The following HDAC11 variants were observed in gnomAD, a reference collection of about 807,000 sequenced individuals.
HDAC11 encodes the protein histone deacetylase 11.
Under a neutral mutation model 41.1 loss-of-function variants are expected in HDAC11, and 23 were observed. That is an observed-to-expected ratio of 0.56 (90% confidence interval 0.40 to 0.79). The LOEUF (loss-of-function observed/expected upper bound fraction) is 0.79, where lower values mean the gene tolerates loss of function less well. HDAC11 is among the 30% of genes least tolerant of loss of function. The probability of loss-of-function intolerance (pLI) is 0.00; values close to 1 mark genes in which losing one functional copy is unlikely to be tolerated. For missense variants in HDAC11, 402 were observed against 477.3 expected, an observed-to-expected ratio of 0.84 and a Z score of 1.47; for synonymous variants, 187 against 186.6, an observed-to-expected ratio of 1.00 and a Z score of -0.02.
chr3:13,498,989 G>A (rs1702233368), intron 5 of HDAC11, among the ~76,000 whole-genome samples: 1 of 151,748 alleles, frequency 6.6e-6, no homozygotes, highest in African/African-American at 2.4e-5. Flanking sequence ...GGTTGGGTGG[G>A]CACATCCTGG....
Position 13,504,251 on chromosome 3 carries a change from G to T in HDAC11, c.807G>T (p.Gly269=), listed in dbSNP as rs1260194580. ...ACATCCTCGAGGGGGACCGCCTTGG[G>T]GGGCTGTCCATCAGCCCAGCGGTAC... is the stretch of plus-strand genomic sequence containing the variant. ...GTDILEGDRL[G]GLSISPAGIV... is the part of the protein sequence containing the mutation. The change falls in exon 9 of 10, where the codon GGG becomes GGT. Residue 269 remains glycine, a synonymous_variant. Coordinates refer to ENST00000295757, the MANE Select transcript of HDAC11 (RefSeq NM_024827.4). 2 of 1,613,464 alleles carry T rather than the reference G, an allele frequency of 1.2e-6. No homozygotes were observed. Among genetic ancestry groups the T allele is most frequent in the Admixed American group, 1.7e-5 (1 of 60,026 alleles).
intron 3 of HDAC11, among the ~76,000 whole-genome samples, chr3:13,487,459 A>C (rs1248225919): frequency 1.3e-5 from 2 of 152,124 alleles, no homozygotes; most frequent in African/African-American, 4.8e-5. Flanking sequence ...CAGGGCACTG[A>C]AGGAGAAGCA....
chr3:13,501,972 C>G (rs780037835), intron 7 of HDAC11, 39 bp downstream of exon 7: 3 of 1,561,466 alleles, frequency 1.9e-6, no homozygotes, highest in East Asian at 4.5e-5. Flanking sequence ...AGGGGACCTG[C>G]CACCCCCAGT....
rs1559382436 is a variant in HDAC11 at position 13,504,147 on chromosome 3, C to T, written c.703C>T (p.Leu235=). 27 of 1,614,096 alleles carry T rather than the reference C, an allele frequency of 1.7e-5. No homozygotes were observed. The highest frequency in any genetic ancestry group is 2.2e-5 in the Non-Finnish European group (26 of 1,180,038). Residue 235 remains leucine, a synonymous_variant, in exon 9 of 10, where the codon CTG becomes TTG. Transcript: ENST00000295757. ...GTGGGGCACAGAGGATGATGAGTAC[C>T]TGGATAAGGTGGAGAGGAACATCAA... The part of the protein sequence containing the change: ...LEWGTEDDEY[L]DKVERNIKKS...
rs952005749 is a variant in HDAC11 at position 13,502,741 on chromosome 3, T to G, written c.553-143T>G. The G allele has an allele frequency of 1.4e-5, 9 of 638,596 alleles. No individual in the cohort carries two copies. Among genetic ancestry groups the G allele is most frequent in the African/African-American group, 7.3e-5 (4 of 54,776 alleles). 39.6% of individuals were successfully genotyped at this position (638,596 alleles called of 1,614,324 possible). ...AAGGTTGAATCCCAGCTCTGCCCCTTAACAGTCATGAGACCTGCTGCCCCC... is the reference window on the plus strand; with the variant it reads ...AAGGTTGAATCCCAGCTCTGCCCCTGAACAGTCATGAGACCTGCTGCCCCC... On this transcript the variant is annotated intron_variant, in intron 7 of 9. Transcript: ENST00000295757. The surrounding 1 kb of genome is among the most constrained non-coding windows in gnomAD (Gnocchi z 4.1).
intron 3 of HDAC11, among the ~76,000 whole-genome samples, chr3:13,485,974 G>A (rs896083301): frequency 5.7e-5 from 8 of 139,892 alleles, no homozygotes; most frequent in African/African-American, 2.0e-4. Flanking sequence ...CACCTATTAA[G>A]ATGAAGAAGT....
chr3:13,489,680 T>C (rs747160894), intron 3 of HDAC11, among the ~76,000 whole-genome samples: 1 of 151,750 alleles, frequency 6.6e-6, no homozygotes, highest in African/African-American at 2.4e-5. Context: ...AATTCTCCCA[T>C]CTCAGCCTCC....
chr3:13,503,564 CGAAA>C (rs965572305), intron 8 of HDAC11, among the ~76,000 whole-genome samples: 4 of 152,120 alleles, frequency 2.6e-5, no homozygotes, highest in African/African-American at 7.2e-5. Context: ...AACTCCATCT[CGAAA>C]GAAAGAAAGA....
chr3:13,483,868 C>T (rs533026347), intron 3 of HDAC11, among the ~76,000 whole-genome samples: 31 of 152,250 alleles, frequency 2.0e-4, no homozygotes, highest in African/African-American at 6.7e-4. Context: ...TGTGCTCTGT[C>T]GACACGCCTC....
At position 13,490,759 on chromosome 3, in the gene HDAC11, T is replaced by TC. The variant is rs1250798913; in HGVS notation, c.253-5977_253-5976insC. On this transcript the variant is annotated intron_variant, in intron 3 of 9. Transcript: ENST00000295757. ...GCATTTTTTTCTTTTTTTTTTTTTTTTTTTTTTTTTTAGACAGAGTCTCTC... is the reference window on the plus strand; with the variant it reads ...GCATTTTTTTCTTTTTTTTTTTTTTTCTTTTTTTTTTTAGACAGAGTCTCTC... Among the ~76,000 whole-genome samples, 4 of 138,196 alleles carry TC rather than the reference T, an allele frequency of 2.9e-5. No homozygotes were observed. In the East Asian group the frequency reaches 8.2e-4, roughly 28 times the overall value. 90.7% of individuals were successfully genotyped at this position (138,196 alleles called of 152,430 possible).
At chr3:13,482,706 G>A (rs1037754321) in intron 2 of HDAC11, among the ~76,000 whole-genome samples, 2 of 152,218 alleles carry the variant, frequency 1.3e-5, no homozygotes, top group Non-Finnish European at 2.9e-5. Flanking sequence ...AGGATCACTT[G>A]AGCCCAGAAG....
intron 3 of HDAC11, among the ~76,000 whole-genome samples, chr3:13,491,545 G>A (rs147018961): frequency 6.6e-6 from 1 of 152,100 alleles, no homozygotes; most frequent in South Asian, 2.1e-4. Flanking sequence ...CCCTAGAGGG[G>A]TTACAGCCTA....
At chr3:13,499,520 T>C (rs1229792151) in intron 5 of HDAC11, among the ~76,000 whole-genome samples, 1 of 152,148 alleles carries the variant, frequency 6.6e-6, no homozygotes, top group Non-Finnish European at 1.5e-5. Flanking sequence ...CAGGCCTGTC[T>C]CACTGATGAG....
chr3:13,481,928 C>A (rs990056967), intron 2 of HDAC11, among the ~76,000 whole-genome samples: 1 of 152,160 alleles, frequency 6.6e-6, no homozygotes, highest in African/African-American at 2.4e-5. Flanking sequence ...CTCAGCCTCC[C>A]AAGTAGCTGG....
chr3:13,483,234 T>C (rs556073760), intron 2 of HDAC11, among the ~76,000 whole-genome samples: 1 of 152,208 alleles, frequency 6.6e-6, no homozygotes, highest in South Asian at 2.1e-4. Flanking sequence ...TTGGGAAACA[T>C]GGGGATTGCT....
intron 8 of HDAC11, among the ~76,000 whole-genome samples, chr3:13,503,529 A>C (rs1702470820): frequency 6.6e-6 from 1 of 152,256 alleles, no homozygotes; most frequent in Non-Finnish European, 1.5e-5. Context: ...GCGCCATTGC[A>C]CTCCAGCTTG....
Position 13,498,514 on chromosome 3 carries a change from CG to C in HDAC11, c.375del (p.Lys126SerfsTer154), listed in dbSNP as rs1200071189. ...CTCACCCTCTGCTTGTCTCCAAAGGCGGGGAAGCTGGCTGTGGAGCGAGGCT... is the reference window on the plus strand; with the variant it reads ...CTCACCCTCTGCTTGTCTCCAAAGGCGGGAAGCTGGCTGTGGAGCGAGGCT... ...LRTQTGGTIM[A>X]GKLAVERGWA... On this transcript the variant is annotated frameshift_variant and splice_region_variant, in exon 5 of 10. Coordinates refer to ENST00000295757, the MANE Select transcript of HDAC11 (RefSeq NM_024827.4). LOFTEE classifies it high-confidence loss of function. 6.2e-7 allele frequency: 1 copy of C among 1,610,888 alleles called. No homozygotes were observed. The highest frequency in any genetic ancestry group is 8.5e-7 in the Non-Finnish European group (1 of 1,178,364).
At position 13,502,671 on chromosome 3, in the gene HDAC11, T is replaced by C. The variant is rs1027557369; in HGVS notation, c.553-213T>C. ...CCTCTGATAGGGAACCTAAGAGCAC[T>C]GGGCTTGCTCAAGCCCATGCTAGAA... is the stretch of plus-strand genomic sequence containing the variant. On this transcript the variant is annotated intron_variant, in intron 7 of 9. Coordinates refer to ENST00000295757, the MANE Select transcript of HDAC11 (RefSeq NM_024827.4). The surrounding 1 kb of genome is among the most constrained non-coding windows in gnomAD (Gnocchi z 4.1). 19 of 515,360 alleles carry C rather than the reference T, an allele frequency of 3.7e-5. No homozygotes were observed. Among genetic ancestry groups the C allele is most frequent in the Admixed American group, 6.7e-5 (2 of 29,770 alleles). 31.9% of individuals were successfully genotyped at this position (515,360 alleles called of 1,614,324 possible).
intron 3 of HDAC11, among the ~76,000 whole-genome samples, chr3:13,490,025 G>A (rs148803504): frequency 2.0e-5 from 3 of 149,888 alleles, no homozygotes; most frequent in South Asian, 2.1e-4. Context: ...ACGCAGTCTC[G>A]CTTTGTCGCC....
Sources: allele counts gnomAD v4.1 joint callset (sites outside exome capture counted in the v4.1 genomes callset), GRCh38; gene constraint gnomAD v4.1.1; non-coding constraint Gnocchi (gnomAD v3.1); transcripts MANE v1.5; gene names NCBI Gene and HGNC (gene_info 2026-07-23, HGNC 2026-07-21).